CD300LF: variants seen among roughly 807,000 people sequenced by gnomAD.
CD300LF encodes the protein CD300 molecule like family member f, also known as CMRF35-like molecule 1.
Under a neutral mutation model 32.2 loss-of-function variants are expected in CD300LF, and 27 were observed. The observed-to-expected ratio is 0.84, with a 90% confidence interval of 0.62 to 1.15. The LOEUF (loss-of-function observed/expected upper bound fraction) is 1.15, where lower values mean the gene tolerates loss of function less well. CD300LF is among the 50% of genes most tolerant of loss of function. CD300LF has a pLI of 0.00. For missense variants in CD300LF, 348 were observed against 356.8 expected (o/e 0.98, Z 0.20); for synonymous variants, 139 against 143.2 (o/e 0.97, Z 0.21).
At chr17:74,702,765 C>G (rs1009594664) in intron 3 of CD300LF, among the ~76,000 whole-genome samples, 2 of 152,174 alleles carry the variant, frequency 1.3e-5, no homozygotes, top group Non-Finnish European at 2.9e-5. Flanking sequence ...CACGGTGCAG[C>G]CATGTAGAAG....
At position 74,704,804 on chromosome 17, in the gene CD300LF, A is replaced by G. The variant is rs35489971; in HGVS notation, c.56T>C (p.Val19Ala). Residue 19 changes from valine (V) to alanine (A), a missense_variant, in exon 2 of 7, where the codon GTC becomes GCC. Transcript: ENST00000326165. ...TGTTGTTGGACCGGTGATTTGAGTG[A>G]CAATGGAGTAGCCTGGAAAACACAA... The part of the protein sequence containing the change: ...LLFWLSGYSI[V>A]TQITGPTTVN... 1,245,844 of 1,611,616 alleles carry G rather than the reference A, an allele frequency of 0.77. 492,720 individuals are homozygous for G. The highest frequency in any genetic ancestry group is 0.83 in the Middle Eastern group (5,004 of 6,050).
At position 74,710,662 on chromosome 17, in the gene CD300LF, C is replaced by T. The variant is rs542787546; in HGVS notation, c.43+2162G>A. Among the ~76,000 whole-genome samples, 330 of 150,556 alleles carry T rather than the reference C, an allele frequency of 2.2e-3. 1 individual carries two copies. The highest frequency in any genetic ancestry group is 8.0e-3 in the African/African-American group (327 of 40,944). ...TCACTTGAGGTCAGGAGTTCGAGAC[C>T]AGCCTAACCAACATGGTAAAACCCC... On this transcript the variant is annotated intron_variant, in intron 1 of 6. Coordinates refer to ENST00000326165, the MANE Select transcript of CD300LF (RefSeq NM_139018.5).
chr17:74,712,913 A>T lies in CD300LF; in HGVS notation c.-47T>A. 1.3e-6 allele frequency: 2 copies of T among 1,596,170 alleles called. No individual in the cohort carries two copies. The highest frequency in any genetic ancestry group is 1.7e-6 in the Non-Finnish European group (2 of 1,165,046). On this transcript the variant is annotated 5_prime_UTR_variant, in exon 1 of 7. Coordinates refer to ENST00000326165, the MANE Select transcript of CD300LF (RefSeq NM_139018.5). ...GTTCCCCTCAGTGGAGCCTGGCAGC[A>T]GGAACAAACTACAGACTCCCAGCCT...
intron 3 of CD300LF, among the ~76,000 whole-genome samples, chr17:74,702,031 A>G (rs913071750): frequency 1.3e-5 from 2 of 151,896 alleles, no homozygotes; most frequent in Non-Finnish European, 2.9e-5. Flanking sequence ...AATAAAAAAA[A>G]AGAAAACTTT....
chr17:74,700,282 G>T (rs138693644), intron 3 of CD300LF, among the ~76,000 whole-genome samples: 9 of 152,112 alleles, frequency 5.9e-5, no homozygotes, highest in African/African-American at 1.9e-4. Context: ...TCCTGCCTAC[G>T]ACTCACCCCT....
chr17:74,704,424 G>C, intron 2 of CD300LF, 54 bp downstream of exon 2: 1 of 1,280,750 alleles, frequency 7.8e-7, no homozygotes, highest in East Asian at 2.3e-5. Context: ...GGACCTCAGA[G>C]ACCAGGACAG....
At position 74,695,286 on chromosome 17, in the gene CD300LF, G is replaced by A. The variant is rs114973528; in HGVS notation, c.718-35C>T. The stretch of plus-strand genomic sequence containing the variant: ...AGGCGGGCTCCAGGTCAGAGAGGAC[G>A]GCAGGAAGTGACGGTCACGGGGCAG... On this transcript the variant is annotated intron_variant, in intron 6 of 6. Coordinates refer to ENST00000326165, the MANE Select transcript of CD300LF (RefSeq NM_139018.5). 8.0e-4 allele frequency: 1,283 copies of A among 1,610,970 alleles called. 7 individuals are homozygous for A. In the African/African-American group the frequency reaches 0.014, roughly 17 times the overall value.
At position 74,704,645 on chromosome 17, in the gene CD300LF, T is replaced by C. The variant is rs1388182986; in HGVS notation, c.215A>G (p.Glu72Gly). 3 of 1,614,068 alleles carry C rather than the reference T, an allele frequency of 1.9e-6. No homozygotes were observed. The part of the protein sequence containing the change: ...CKILVKTSGS[E>G]QEVKRDRVSI... ...CACCCGGTCCCTCTTCACCTCCTGCTCTGACCCACTGGTTTTAACAAGGAT... is the reference window on the plus strand; with the variant it reads ...CACCCGGTCCCTCTTCACCTCCTGCCCTGACCCACTGGTTTTAACAAGGAT... The change falls in exon 2 of 7, where the codon GAG (glutamate) becomes GGG (glycine). Residue 72 changes from glutamate (E) to glycine (G), a missense_variant. Coordinates refer to ENST00000326165, the MANE Select transcript of CD300LF (RefSeq NM_139018.5).
chr17:74,709,800 T>A (rs1265357937), intron 1 of CD300LF, among the ~76,000 whole-genome samples: 1 of 152,108 alleles, frequency 6.6e-6, no homozygotes, highest in Non-Finnish European at 1.5e-5. Context: ...CTCAAACTCC[T>A]GGACTCAACC....
chr17:74,695,371 G>T, intron 6 of CD300LF, 120 bp from the exon 7 acceptor site: 1 of 1,214,306 alleles, frequency 8.2e-7, no homozygotes, highest in Non-Finnish European at 1.1e-6. Flanking sequence ...TCCCACTCAA[G>T]CCCTCCAGCT....
intron 1 of CD300LF, among the ~76,000 whole-genome samples, chr17:74,712,507 G>A (rs2034040149): frequency 6.6e-6 from 1 of 152,204 alleles, no homozygotes; most frequent in South Asian, 2.1e-4. Context: ...TCCAGGATCA[G>A]GCAGTCGCCT....
In CD300LF at chr17:74,695,002, G is replaced by C. The variant is rs1029945330; in HGVS notation, c.*94C>G. On this transcript the variant is annotated 3_prime_UTR_variant, in exon 7 of 7. Transcript: ENST00000326165. Reference sequence around the variant, plus strand: ...TGATCAGGCAGAGGCACCAGTCCCCGGGTTGGTCCTGATGAGGGGAGCAGG... The same window carrying C: ...TGATCAGGCAGAGGCACCAGTCCCCCGGTTGGTCCTGATGAGGGGAGCAGG... 7.3e-7 allele frequency: 1 copy of C among 1,364,440 alleles called. No homozygotes were observed. Among genetic ancestry groups the C allele is most frequent in the Non-Finnish European group, 1.0e-6 (1 of 997,514 alleles). 84.5% of individuals were successfully genotyped at this position (1,364,440 alleles called of 1,614,324 possible). A position where few individuals can be genotyped will look rare whatever the true frequency, so the allele number is the denominator to read the frequency against.
At position 74,694,854 on chromosome 17, in the gene CD300LF, A is replaced by G; in HGVS notation, c.*242T>C. The stretch of plus-strand genomic sequence containing the variant: ...TTCATCATTCCCATGAAAGCCCCAG[A>G]GCATATCCCTAGCCCCCTCCTCAAC... On this transcript the variant is annotated 3_prime_UTR_variant, in exon 7 of 7. Transcript: ENST00000326165. 1 of 411,640 alleles carries G rather than the reference A, an allele frequency of 2.4e-6. No individual in the cohort carries two copies. Among genetic ancestry groups the G allele is most frequent in the Non-Finnish European group, 4.3e-6 (1 of 232,312 alleles). The allele number at this position is 411,640 out of a possible 1,614,324, so 25.5% of individuals were successfully genotyped here. A position where few individuals can be genotyped will look rare whatever the true frequency, so the allele number is the denominator to read the frequency against.
chr17:74,708,497 T>C (rs573187724), intron 1 of CD300LF, among the ~76,000 whole-genome samples: 31 of 152,282 alleles, frequency 2.0e-4, no homozygotes, highest in Middle Eastern at 6.8e-3. Flanking sequence ...TATCACTCAT[T>C]AACATAAATG....
At chr17:74,702,865 A>G (rs911711551) in intron 3 of CD300LF, among the ~76,000 whole-genome samples, 170 bp downstream of exon 3, 3 of 152,244 alleles carry the variant, frequency 2.0e-5, no homozygotes, top group African/African-American at 7.2e-5. Context: ...GGAGACTGAA[A>G]GGACACCATG....
chr17:74,698,806 C>T (rs183872613), intron 3 of CD300LF, among the ~76,000 whole-genome samples: 17 of 152,136 alleles, frequency 1.1e-4, no homozygotes, highest in Non-Finnish European at 2.4e-4. Context: ...TACACAAAAC[C>T]CCGGTGACGT....
At chr17:74,710,854 G>A (rs914556262) in intron 1 of CD300LF, among the ~76,000 whole-genome samples, 2 of 151,368 alleles carry the variant, frequency 1.3e-5, no homozygotes, top group Non-Finnish European at 2.9e-5. Flanking sequence ...GTGACAGAGC[G>A]AGACTCTGTC....
intron 3 of CD300LF, among the ~76,000 whole-genome samples, chr17:74,700,492 G>A (rs955299827): frequency 1.3e-5 from 2 of 152,178 alleles, no homozygotes; most frequent in African/African-American, 4.8e-5. Flanking sequence ...TGTAATCCCA[G>A]CACTTTGGGA....
chr17:74,702,061 A>G (rs1280257356), intron 3 of CD300LF, among the ~76,000 whole-genome samples: 1 of 152,044 alleles, frequency 6.6e-6, no homozygotes, highest in African/African-American at 2.4e-5. Flanking sequence ...AATTTAAAAA[A>G]AAAACAGAAG....
Sources: allele counts gnomAD v4.1 joint callset (sites outside exome capture counted in the v4.1 genomes callset), GRCh38; gene constraint gnomAD v4.1.1; transcripts MANE v1.5; gene names NCBI Gene and HGNC (gene_info 2026-07-23, HGNC 2026-07-21).